The following SNAP91 variants were observed in gnomAD, a reference collection of about 807,000 sequenced individuals.
The protein encoded by SNAP91 is clathrin coat assembly protein AP180.
SNAP91 carries 27 observed loss-of-function variants against 100.3 expected under a neutral mutation model. The ratio of observed to expected loss-of-function variants is 0.27; its 90% CI spans 0.20 to 0.37. The LOEUF is 0.37. SNAP91 is among the 10% of genes least tolerant of loss of function. The pLI is 1.00. For missense variants in SNAP91, 986 were observed against 1,123.7 expected, an observed-to-expected ratio of 0.88 and a Z score of 1.75; for synonymous variants, 404 against 398.6, an observed-to-expected ratio of 1.01 and a Z score of -0.16.
intron 7 of SNAP91, among the ~76,000 whole-genome samples, chr6:83,656,079 A>G (rs1364729355): frequency 6.6e-6 from 1 of 152,236 alleles, no homozygotes; most frequent in East Asian, 1.9e-4. Flanking sequence ...GGTAAGAAAC[A>G]TTGAACTACA....
At chr6:83,557,213 T>C (rs1485746907) in intron 28 of SNAP91, among the ~76,000 whole-genome samples, 1 of 152,194 alleles carries the variant, frequency 6.6e-6, no homozygotes, top group Non-Finnish European at 1.5e-5. Flanking sequence ...CTAATTAATC[T>C]CCTATGCTTG....
chr6:83,564,652 G>A (rs1364281220), intron 26 of SNAP91, among the ~76,000 whole-genome samples: 1 of 152,050 alleles, frequency 6.6e-6, no homozygotes, highest in Admixed American at 6.6e-5. Flanking sequence ...GGCATGAGCT[G>A]TTGTACCCAG....
Position 83,580,589 on chromosome 6 carries a change from A to T in SNAP91, c.2160T>A (p.Gly720=). The T allele has an allele frequency of 1.9e-6, 3 of 1,603,340 alleles. No individual in the cohort carries two copies. The highest frequency in any genetic ancestry group is 2.5e-6 in the Non-Finnish European group (3 of 1,176,910). Residue 720 remains glycine (G), a synonymous_variant, in exon 24 of 30, where the codon GGT becomes GGA. Transcript: ENST00000369694. The stretch of plus-strand genomic sequence containing the variant: ...TGGTTGGCATCAAAAGATCACCTAG[A>T]CCATCAAACACTGGAAATCAAATAG... ...SSSFDPSVFD[G]LGDLLMPTMA... is the part of the protein sequence containing the mutation.
chr6:83,661,381 T>G (rs1416607269), intron 5 of SNAP91, 121 bp downstream of exon 5: 5 of 563,406 alleles, frequency 8.9e-6, no homozygotes, highest in Non-Finnish European at 1.6e-5. Context: ...TTCCTTTTTT[T>G]AGGTTATTGT....
chr6:83,701,447 C>CT (rs1243379831), intron 2 of SNAP91, among the ~76,000 whole-genome samples: 5,917 of 141,242 alleles, frequency 0.042, 144 homozygotes, highest in East Asian at 0.081. Flanking sequence ...ATCAAAAATT[C>CT]TTTTTTTTTT....
intron 26 of SNAP91, among the ~76,000 whole-genome samples, chr6:83,574,776 A>C (rs956639895): frequency 6.6e-6 from 1 of 152,144 alleles, no homozygotes; most frequent in Non-Finnish European, 1.5e-5. Context: ...TAGTTTTTTC[A>C]TCTTGCTTAT....
Position 83,682,698 on chromosome 6 carries a change from G to C in SNAP91, c.131-17117C>G, listed in dbSNP as rs1340419968. The stretch of plus-strand genomic sequence containing the variant: ...GCTGCACCCATTAACTCGTCATTTA[G>C]CATTAGGTATATCTCCTAATGGTAT... On this transcript the variant is annotated intron_variant, in intron 2 of 29. Coordinates refer to ENST00000369694, the MANE Select transcript of SNAP91 (RefSeq NM_001242792.2). Among the ~76,000 whole-genome samples the C allele has an allele frequency of 4.0e-5, 6 of 151,638 alleles. No homozygotes were observed. In the East Asian group the frequency reaches 1.2e-3, roughly 29 times the overall value.
intron 26 of SNAP91, among the ~76,000 whole-genome samples, chr6:83,571,394 T>C (rs142122202): frequency 6.6e-6 from 1 of 152,280 alleles, no homozygotes; most frequent in Non-Finnish European, 1.5e-5. Flanking sequence ...TTAGCCACCA[T>C]GCCTGGCCCG....
intron 7 of SNAP91, among the ~76,000 whole-genome samples, chr6:83,654,948 T>G (rs1055413337): frequency 6.6e-6 from 1 of 152,202 alleles, no homozygotes; most frequent in African/African-American, 2.4e-5. Flanking sequence ...TTCTGTCATC[T>G]AGCAGAGATG....
chr6:83,626,449 A>G (rs998548526), intron 8 of SNAP91, among the ~76,000 whole-genome samples: 1 of 152,156 alleles, frequency 6.6e-6, no homozygotes, highest in Non-Finnish European at 1.5e-5. Flanking sequence ...TGCTTTGGGC[A>G]GTAGAGCCAT....
At chr6:83,590,011 AT>A (rs2093491624) in intron 22 of SNAP91, among the ~76,000 whole-genome samples, 1 of 152,152 alleles carries the variant, frequency 6.6e-6, no homozygotes, top group Non-Finnish European at 1.5e-5. Flanking sequence ...GGTATTTAAG[AT>A]GCAAGACTTC....
In SNAP91 at chr6:83,607,748, A is replaced by T; in HGVS notation, c.973T>A (p.Ser325Thr). Residue 325 changes from serine to threonine, a missense_variant, in exon 13 of 30, where the codon TCC becomes ACC. By Grantham distance (58) the Ser-to-Thr change is moderately conservative (BLOSUM62 1). This residue lies in a region of SNAP91 where 330 missense variants were observed against 447.5 expected (regional missense o/e 0.74). Transcript: ENST00000369694. ...NSTPAKTIDTSPPVDLFATAS... is the reference protein window; with the variant it reads ...NSTPAKTIDTTPPVDLFATAS... ...GTTGCAAATAAATCAACCGGTGGGG[A>T]TGTGTCAATAGTTTTAGCTGGTGTA... is the stretch of plus-strand genomic sequence containing the variant. The T allele has an allele frequency of 6.3e-7, 1 of 1,596,248 alleles. No individual in the cohort carries two copies. The highest frequency in any genetic ancestry group is 8.5e-7 in the Non-Finnish European group (1 of 1,171,118).
intron 22 of SNAP91, among the ~76,000 whole-genome samples, chr6:83,585,911 C>T (rs373055034): frequency 4.7e-5 from 7 of 147,780 alleles, no homozygotes; most frequent in African/African-American, 1.3e-4. Flanking sequence ...AGTGCAATGG[C>T]GCCATCTTGG....
At chr6:83,580,741 C>A in intron 23 of SNAP91, 142 bp from the exon 24 acceptor site, 3 of 708,130 alleles carry the variant, frequency 4.2e-6, no homozygotes. Flanking sequence ...TCACACTTTT[C>A]ATGACTGTAA....
At chr6:83,708,162 A>C in intron 1 of SNAP91, 1 of 465,672 alleles carries the variant, frequency 2.1e-6, no homozygotes, top group Non-Finnish European at 3.7e-6. Flanking sequence ...CCGTCACGGA[A>C]CCCCAGCGTG....
intron 2 of SNAP91, among the ~76,000 whole-genome samples, chr6:83,668,891 C>G (rs1361671810): frequency 6.6e-6 from 1 of 151,838 alleles, no homozygotes. Flanking sequence ...TCTTATACAC[C>G]CACTGTGAGT....
At chr6:83,578,414 T>A (rs1055222190) in intron 24 of SNAP91, among the ~76,000 whole-genome samples, 9 of 152,166 alleles carry the variant, frequency 5.9e-5, no homozygotes, top group Admixed American at 5.2e-4. Context: ...TCCTATTGGG[T>A]ATAAAGTGAT....
intron 2 of SNAP91, among the ~76,000 whole-genome samples, chr6:83,692,192 T>G (rs1264792921): frequency 6.6e-6 from 1 of 152,176 alleles, no homozygotes; most frequent in African/African-American, 2.4e-5. Context: ...CGATAATTTA[T>G]AGAGTAATTA....
chr6:83,670,259 C>A (rs200842439), intron 2 of SNAP91, among the ~76,000 whole-genome samples: 1 of 99,148 alleles, frequency 1.0e-5, no homozygotes, highest in Non-Finnish European at 2.1e-5. Flanking sequence ...TTTTTTTTTT[C>A]TATTATAACA....
Sources: allele counts gnomAD v4.1 joint callset (sites outside exome capture counted in the v4.1 genomes callset), GRCh38; gene constraint gnomAD v4.1.1; regional missense constraint gnomAD v4.1.1; transcripts MANE v1.5; gene names NCBI Gene and HGNC (gene_info 2026-07-23, HGNC 2026-07-21).